COL21A1: variants seen among roughly 807,000 people sequenced by gnomAD.
The protein encoded by COL21A1 is collagen type XXI alpha 1 chain.
Under a neutral mutation model 137.9 loss-of-function variants are expected in COL21A1, and 149 were observed. That is an observed-to-expected ratio of 1.08 (90% CI 0.95 to 1.24). The LOEUF (loss-of-function observed/expected upper bound fraction) is 1.24, where lower values mean the gene tolerates loss of function less well. COL21A1 is among the 50% of genes most tolerant of loss of function. The pLI is 0.00. For missense variants in COL21A1, 1,167 were observed against 1,158.4 expected (o/e 1.01, Z -0.11); for synonymous variants, 456 against 391.5 (o/e 1.16, Z -1.95).
intron 1 of COL21A1, among the ~76,000 whole-genome samples, chr6:56,205,366 A>G (rs1779697409): frequency 6.6e-6 from 1 of 152,190 alleles, no homozygotes; most frequent in Non-Finnish European, 1.5e-5. Context: ...AAATCGATCA[A>G]GAGGAAGAAA....
At chr6:56,335,403 C>A (rs917889810) in intron 1 of COL21A1, among the ~76,000 whole-genome samples, 1 of 152,156 alleles carries the variant, frequency 6.6e-6, no homozygotes, top group African/African-American at 2.4e-5. Flanking sequence ...TCTCTAGTGA[C>A]AATCCCAGAA....
chr6:56,290,251 A>G (rs1283416665), intron 1 of COL21A1, among the ~76,000 whole-genome samples: 1 of 151,868 alleles, frequency 6.6e-6, no homozygotes, highest in Admixed American at 6.6e-5. Context: ...CCTTAGCACT[A>G]TTGATATTGT....
At chr6:56,141,192 T>C (rs1209455696) in intron 12 of COL21A1, among the ~76,000 whole-genome samples, 1 of 152,142 alleles carries the variant, frequency 6.6e-6, no homozygotes, top group East Asian at 1.9e-4. Context: ...TAAACCTAAG[T>C]TCTGTCAATG....
intron 16 of COL21A1, among the ~76,000 whole-genome samples, chr6:56,108,270 C>A (rs1771123842): frequency 6.6e-6 from 1 of 151,812 alleles, no homozygotes; most frequent in African/African-American, 2.4e-5. Flanking sequence ...ACCTATCAGA[C>A]AATGGGTGAA....
rs1383823070 is a variant in COL21A1, at chr6:56,149,313, A to T, written c.1435-7330T>A. The stretch of plus-strand genomic sequence containing the variant: ...ACACTGGAACTAATAAAAAGAAAAC[A>T]TTACATTCTGGGGAAATTTTACATT... On this transcript the variant is annotated intron_variant, in intron 10 of 29. Transcript: ENST00000244728. Among the ~76,000 whole-genome samples, 20 of 152,356 alleles carry T rather than the reference A, an allele frequency of 1.3e-4. No homozygotes were observed. In the South Asian group the frequency reaches 4.1e-3, roughly 32 times the overall value.
chr6:56,302,666 C>A (rs951159101), intron 1 of COL21A1, among the ~76,000 whole-genome samples: 1 of 151,966 alleles, frequency 6.6e-6, no homozygotes, highest in African/African-American at 2.4e-5. Flanking sequence ...AAATTTTCTT[C>A]CATTCTGTAG....
At chr6:56,134,190 C>A (rs759395663) in intron 12 of COL21A1, among the ~76,000 whole-genome samples, 1 of 152,180 alleles carries the variant, frequency 6.6e-6, no homozygotes, top group Non-Finnish European at 1.5e-5. Flanking sequence ...GCTACAGAAG[C>A]AGAGCTGCCC....
intron 16 of COL21A1, 141 bp downstream of exon 16, chr6:56,123,921 C>A: frequency 1.5e-6 from 1 of 667,356 alleles, no homozygotes; most frequent in Non-Finnish European, 2.5e-6. Flanking sequence ...TTTTAAATTA[C>A]ACGTAAAAAA....
intron 1 of COL21A1, among the ~76,000 whole-genome samples, chr6:56,284,720 G>A (rs773872301): frequency 7.3e-5 from 11 of 151,218 alleles, no homozygotes; most frequent in Non-Finnish European, 1.6e-4. Flanking sequence ...ATCTCATTAC[G>A]CTGGCAATGA....
intron 1 of COL21A1, among the ~76,000 whole-genome samples, chr6:56,246,026 A>G (rs1038344795): frequency 6.6e-6 from 1 of 152,152 alleles, no homozygotes; most frequent in Non-Finnish European, 1.5e-5. Flanking sequence ...TTGCAAAGTC[A>G]TTCTATTTTT....
chr6:56,152,830 C>T (rs1286513629), intron 10 of COL21A1, among the ~76,000 whole-genome samples: 1 of 152,118 alleles, frequency 6.6e-6, no homozygotes, highest in Non-Finnish European at 1.5e-5. Flanking sequence ...CATTATTAGG[C>T]ATGAGCAGAT....
intron 1 of COL21A1, among the ~76,000 whole-genome samples, chr6:56,269,785 T>C (rs1208912297): frequency 6.6e-6 from 1 of 151,886 alleles, no homozygotes. Context: ...TTCAGCATCC[T>C]TAAAGAAAAG....
intron 1 of COL21A1, among the ~76,000 whole-genome samples, chr6:56,217,319 G>A (rs1248827750): frequency 6.6e-6 from 1 of 151,980 alleles, no homozygotes; most frequent in Non-Finnish European, 1.5e-5. Flanking sequence ...CACCAATTAA[G>A]TCAATGCTTT....
intron 1 of COL21A1, among the ~76,000 whole-genome samples, chr6:56,323,967 C>T (rs1456046442): frequency 1.3e-5 from 2 of 151,958 alleles, no homozygotes; most frequent in East Asian, 1.9e-4. Context: ...TCAGTGTGTT[C>T]TGGTATTTTA....
intron 1 of COL21A1, among the ~76,000 whole-genome samples, chr6:56,323,421 G>A (rs6934864): frequency 0.18 from 27,695 of 152,078 alleles, 3,759 homozygotes; most frequent in African/African-American, 0.38. Context: ...ACCAAGTCTC[G>A]CTCTGTTACC....
chr6:56,217,541 C>T (rs983407970), intron 1 of COL21A1, among the ~76,000 whole-genome samples: 1 of 152,066 alleles, frequency 6.6e-6, no homozygotes, highest in Middle Eastern at 3.4e-3. Flanking sequence ...TCCTTCCAAC[C>T]CAATTTCATT....
In COL21A1 at chr6:56,260,635, G is replaced by GAA. The variant is rs1562028780; in HGVS notation, c.-38-77980_-38-77979insTT. Among the ~76,000 whole-genome samples, 390 of 42,296 alleles carry GAA rather than the reference G, an allele frequency of 9.2e-3. 14 individuals are homozygous for GAA. Among genetic ancestry groups the GAA allele is most frequent in the Middle Eastern group, 0.07 (7 of 100 alleles). The allele number at this position is 42,296 out of a possible 152,430, so 27.7% of individuals were successfully genotyped here. On this transcript the variant is annotated intron_variant, in intron 1 of 28. Coordinates refer to the COL21A1 transcript ENST00000370819. ...AAAGAAAGAGAGAGAGAGGAAGGAA[G>GAA]GAAGGAAGGAAGGAAGGAAGGAATG...
intron 1 of COL21A1, among the ~76,000 whole-genome samples, chr6:56,206,388 C>A (rs1300541710): frequency 6.7e-6 from 1 of 149,696 alleles, no homozygotes; most frequent in Non-Finnish European, 1.5e-5. Context: ...TCAAAAGAGA[C>A]AAAGAAGGGC....
chr6:56,343,036 A>G (rs1765506064), intron 1 of COL21A1, among the ~76,000 whole-genome samples: 1 of 152,208 alleles, frequency 6.6e-6, no homozygotes, highest in African/African-American at 2.4e-5. Context: ...TTATGTGAGC[A>G]GAATCCTTGC....
Sources: gnomAD v4.1 joint callset for allele counts (sites outside exome capture counted in the v4.1 genomes callset) on GRCh38, gnomAD v4.1.1 for gene constraint, MANE v1.5 for transcripts, NCBI Gene and HGNC (gene_info 2026-07-23, HGNC 2026-07-21) for gene names.